NTRK3: variants seen among roughly 807,000 people sequenced by gnomAD.
NTRK3 encodes the protein NT-3 growth factor receptor.
NTRK3 carries 24 observed loss-of-function variants against 91.7 expected under a neutral mutation model. The observed-to-expected ratio is 0.26, with a 90% CI of 0.19 to 0.37. The LOEUF (loss-of-function observed/expected upper bound fraction) is 0.37. Ranked by LOEUF, NTRK3 falls within the 10% of genes least tolerant of loss-of-function variation. The pLI, the probability that NTRK3 is intolerant of heterozygous loss-of-function variation, is 1.00. For missense variants in NTRK3, 880 were observed against 1,068.9 expected (o/e 0.82, Z 2.46); for synonymous variants, 483 against 404.0 (o/e 1.20, Z -2.34).
intron 17 of NTRK3, among the ~76,000 whole-genome samples, chr15:87,922,757 A>G (rs2067981240): frequency 6.6e-6 from 1 of 152,118 alleles, no homozygotes; most frequent in Non-Finnish European, 1.5e-5. Flanking sequence ...CTCCTTTACT[A>G]CCATGGATTT....
intron 14 of NTRK3, among the ~76,000 whole-genome samples, chr15:88,009,798 T>C (rs2076745684): frequency 6.6e-6 from 1 of 152,212 alleles, no homozygotes; most frequent in Non-Finnish European, 1.5e-5. Context: ...AGGTAGCCTC[T>C]ACCCTTCTCT....
chr15:87,897,969 T>A (rs2066225950), intron 17 of NTRK3, among the ~76,000 whole-genome samples: 1 of 152,170 alleles, frequency 6.6e-6, no homozygotes, highest in African/African-American at 2.4e-5. Context: ...GACTTCCTTG[T>A]GCATAAAAAT....
At chr15:88,036,670 C>T (rs1159725471) in intron 13 of NTRK3, among the ~76,000 whole-genome samples, 2 of 152,154 alleles carry the variant, frequency 1.3e-5, no homozygotes, top group African/African-American at 4.8e-5. Flanking sequence ...AGACAGGATC[C>T]ATGCCCAGGC....
At chr15:88,198,005 T>C (rs1416400371) in intron 3 of NTRK3, among the ~76,000 whole-genome samples, 4 of 152,210 alleles carry the variant, frequency 2.6e-5, no homozygotes, top group African/African-American at 4.8e-5. Flanking sequence ...GATGCTGAAC[T>C]CATGGAGGCA....
intron 14 of NTRK3, among the ~76,000 whole-genome samples, chr15:87,945,813 A>C (rs78538230): frequency 1.3e-5 from 2 of 151,056 alleles, no homozygotes; most frequent in African/African-American, 4.9e-5. Context: ...GAAAAAAAAA[A>C]AAAAAAAAAA....
chr15:87,888,716 A>T (rs2065686188), intron 17 of NTRK3, among the ~76,000 whole-genome samples: 1 of 152,162 alleles, frequency 6.6e-6, no homozygotes, highest in Non-Finnish European at 1.5e-5. Context: ...ATTTTAAAAA[A>T]TTATACTTAT....
At chr15:88,006,403 C>A (rs1421170351) in intron 14 of NTRK3, among the ~76,000 whole-genome samples, 1 of 152,164 alleles carries the variant, frequency 6.6e-6, no homozygotes, top group Non-Finnish European at 1.5e-5. Flanking sequence ...CCTGAAGCAC[C>A]TGGTGCAATG....
At chr15:88,213,008 G>T (rs745672118) in intron 3 of NTRK3, among the ~76,000 whole-genome samples, 2 of 152,214 alleles carry the variant, frequency 1.3e-5, no homozygotes, top group Non-Finnish European at 2.9e-5. Flanking sequence ...GGCACCTGAC[G>T]CCAACAGCCC....
chr15:87,960,477 AG>A (rs2072153494), intron 14 of NTRK3, among the ~76,000 whole-genome samples: 1 of 151,458 alleles, frequency 6.6e-6, no homozygotes, highest in Non-Finnish European at 1.5e-5. Context: ...TACAGAATAA[AG>A]CTTCCCCCCA....
At chr15:88,109,089 C>A (rs571225855) in intron 13 of NTRK3, among the ~76,000 whole-genome samples, 1 of 152,314 alleles carries the variant, frequency 6.6e-6, no homozygotes, top group South Asian at 2.1e-4. Flanking sequence ...GATGCTTCTC[C>A]CCCAATCCAT....
At chr15:88,147,191 G>T (rs2042963198) in intron 6 of NTRK3, 144 bp downstream of exon 6, 1 of 738,414 alleles carries the variant, frequency 1.4e-6, no homozygotes, top group Non-Finnish European at 2.4e-6. Flanking sequence ...CACTGAACAT[G>T]GTACACTCTG....
intron 6 of NTRK3, 79 bp from the exon 7 acceptor site, chr15:88,137,640 G>C: frequency 6.8e-7 from 1 of 1,481,080 alleles, no homozygotes; most frequent in Non-Finnish European, 9.3e-7. Flanking sequence ...GAGGACAAGG[G>C]GGACCCGACC....
intron 14 of NTRK3, among the ~76,000 whole-genome samples, chr15:87,941,749 G>A (rs992267821): frequency 2.6e-5 from 4 of 152,226 alleles, no homozygotes; most frequent in African/African-American, 7.2e-5. Flanking sequence ...ATTAAGGTCT[G>A]TGTGCCTGGA....
chr15:87,926,440 T>C (rs747209467), intron 17 of NTRK3, among the ~76,000 whole-genome samples: 1 of 152,176 alleles, frequency 6.6e-6, no homozygotes, highest in Non-Finnish European at 1.5e-5. Flanking sequence ...AAAACATACA[T>C]TTCGAGCTAG....
At chr15:88,170,929 G>GC (rs1442978947) in intron 5 of NTRK3, among the ~76,000 whole-genome samples, 2 of 152,130 alleles carry the variant, frequency 1.3e-5, no homozygotes, top group African/African-American at 2.4e-5. Flanking sequence ...CCTCAGTGGT[G>GC]CCTTCCACCC....
At chr15:88,183,565 G>C in intron 4 of NTRK3, 76 bp from the exon 5 acceptor site, 1 of 1,392,408 alleles carries the variant, frequency 7.2e-7, no homozygotes. Flanking sequence ...GGCTGGCAGG[G>C]GGTGAGGCTA....
intron 17 of NTRK3, among the ~76,000 whole-genome samples, chr15:87,925,975 T>A (rs1037666472): frequency 3.9e-5 from 6 of 152,194 alleles, no homozygotes; most frequent in African/African-American, 1.4e-4. Context: ...TACAAGCTCT[T>A]TATACAAATT....
At chr15:87,931,032 C>T (rs945091340) in intron 16 of NTRK3, 14 of 347,620 alleles carry the variant, frequency 4.0e-5, no homozygotes, top group African/African-American at 6.5e-5. Flanking sequence ...TCACCTTATA[C>T]ACTTCTTTCT....
chr15:88,022,075 T>C lies in NTRK3; in HGVS notation c.1585+10782A>G, dbSNP rs188665749. On this transcript the variant is annotated intron_variant, in intron 14 of 18. Coordinates refer to ENST00000394480, the Ensembl canonical transcript of NTRK3. Reference sequence around the variant, plus strand: ...TCCCTGTGAAAAGCAAGTGACTTATTTGATGGGTGATGAGGGCGGAGTCCA... The same window carrying C: ...TCCCTGTGAAAAGCAAGTGACTTATCTGATGGGTGATGAGGGCGGAGTCCA... 4.3e-4 allele frequency among the ~76,000 whole-genome samples: 66 copies of C among 152,246 alleles called. No homozygotes were observed. The East Asian group carries it at 0.011, about 26-fold the overall frequency.
Sources: allele counts gnomAD v4.1 joint callset (sites outside exome capture counted in the v4.1 genomes callset), GRCh38; gene constraint gnomAD v4.1.1; transcripts MANE v1.5; gene names NCBI Gene and HGNC (gene_info 2026-07-23, HGNC 2026-07-21).